DCHS2: variants seen among roughly 807,000 people sequenced by gnomAD.
The protein encoded by DCHS2 is protocadherin-23.
DCHS2 carries 142 observed loss-of-function variants against 182.4 expected under a neutral mutation model. The observed-to-expected ratio is 0.78, with a 90% CI of 0.68 to 0.89. The LOEUF (loss-of-function observed/expected upper bound fraction) is 0.89. DCHS2 is among the 40% of genes least tolerant of loss of function. The probability of loss-of-function intolerance (pLI) is 0.00; values close to 1 mark genes in which losing one functional copy is unlikely to be tolerated. For synonymous variants in DCHS2, 1,740 were observed against 1,663.3 expected (o/e 1.05, Z -1.12); for missense variants, 4,319 against 4,198.6 (o/e 1.03, Z -0.79).
chr4:154,239,338 T>C, intron 18 of DCHS2, 36 bp from the exon 19 acceptor site: 1 of 1,608,694 alleles, frequency 6.2e-7, no homozygotes, highest in South Asian at 1.1e-5. Flanking sequence ...ACATTGTGCT[T>C]AAAGGCTGAA....
chr4:154,457,776 G>A (rs561198813), intron 1 of DCHS2, among the ~76,000 whole-genome samples: 6 of 152,198 alleles, frequency 3.9e-5, no homozygotes, highest in African/African-American at 9.6e-5. Context: ...TCTCTCCCCC[G>A]CCTCTTTCTA....
At chr4:154,423,477 T>C (rs1320689657) in intron 1 of DCHS2, among the ~76,000 whole-genome samples, 1 of 152,228 alleles carries the variant, frequency 6.6e-6, no homozygotes, top group African/African-American at 2.4e-5. Context: ...CCAGAAACCA[T>C]GTCTCATTGC....
At chr4:154,348,073 A>G (rs956903366) in intron 3 of DCHS2, among the ~76,000 whole-genome samples, 1 of 152,024 alleles carries the variant, frequency 6.6e-6, no homozygotes, top group Non-Finnish European at 1.5e-5. Context: ...AAAGCTGGAT[A>G]CTGACACAAG....
intron 1 of DCHS2, among the ~76,000 whole-genome samples, chr4:154,472,912 C>G (rs1735533820): frequency 6.6e-6 from 1 of 152,276 alleles, no homozygotes; most frequent in South Asian, 2.1e-4. Flanking sequence ...GAAAATCATT[C>G]AACAGAAATG....
At chr4:154,257,019 G>A (rs1732712668) in intron 15 of DCHS2, among the ~76,000 whole-genome samples, 2 of 152,250 alleles carry the variant, frequency 1.3e-5, no homozygotes, top group South Asian at 4.2e-4. Context: ...GGAGGCCAAG[G>A]CGGGTGGATT....
At chr4:154,282,298 TC>T (rs1451192011) in intron 13 of DCHS2, among the ~76,000 whole-genome samples, 2 of 151,926 alleles carry the variant, frequency 1.3e-5, no homozygotes, top group Non-Finnish European at 2.9e-5. Flanking sequence ...GAGGTTAATA[TC>T]CATAGTATAT....
At chr4:154,400,604 G>T (rs1732132836) in intron 1 of DCHS2, among the ~76,000 whole-genome samples, 1 of 152,130 alleles carries the variant, frequency 6.6e-6, no homozygotes, top group Non-Finnish European at 1.5e-5. Flanking sequence ...ACACCAAAAA[G>T]AAGAATGCGG....
intron 1 of DCHS2, among the ~76,000 whole-genome samples, chr4:154,388,848 A>G (rs1350902600): frequency 6.6e-6 from 1 of 152,154 alleles, no homozygotes; most frequent in Non-Finnish European, 1.5e-5. Flanking sequence ...GAGCATCAAA[A>G]AATATTAATC....
rs1264306943 is a variant in DCHS2 at position 154,332,670 on chromosome 4, G to C, written c.3538C>G (p.Arg1180Gly). Reference sequence around the variant, plus strand: ...GAATTGTCATTCTCATCCCAGACACGAACAATGACTGTAGTGCTCACATTT... The same window carrying C: ...GAATTGTCATTCTCATCCCAGACACCAACAATGACTGTAGTGCTCACATTT... ...LQNVSTTVIV[R>G]VWDENDNSPT... The change falls in exon 5 of 20, where the codon CGT (arginine) becomes GGT (glycine). Residue 1180 changes from arginine to glycine, a missense_variant. Physicochemically the swap from Arg to Gly is moderately radical, Grantham distance 125. Coordinates refer to ENST00000357232, the MANE Select transcript of DCHS2 (RefSeq NM_001358235.2). The C allele has an allele frequency of 6.2e-7, 1 of 1,614,158 alleles. No homozygotes were observed. Among genetic ancestry groups the C allele is most frequent in the South Asian group, 1.1e-5 (1 of 91,080 alleles).
At chr4:154,478,951 ATC>A (rs1271793517) in intron 1 of DCHS2, among the ~76,000 whole-genome samples, 2 of 152,256 alleles carry the variant, frequency 1.3e-5, no homozygotes, top group Non-Finnish European at 2.9e-5. Context: ...AGTATTCAAT[ATC>A]TGAAAAACTA....
At chr4:154,363,820 T>A (rs1730230773) in intron 3 of DCHS2, among the ~76,000 whole-genome samples, 1 of 152,148 alleles carries the variant, frequency 6.6e-6, no homozygotes, top group South Asian at 2.1e-4. Context: ...CATAATTATA[T>A]ACAATGTGTT....
chr4:154,331,636 G>A lies in DCHS2; in HGVS notation c.3730+842C>T, dbSNP rs751665709. ...GAGAACAAAGGCTTGAAGTTCATCA[G>A]AACTGAATGCAAAGTCTGTCCCACT... On this transcript the variant is annotated intron_variant, in intron 5 of 19. Transcript: ENST00000357232. 14 of 1,613,750 alleles carry A rather than the reference G, an allele frequency of 8.7e-6. No homozygotes were observed. The South Asian group carries it at 1.5e-4, about 18-fold the overall frequency.
chr4:154,385,236 T>C (rs200060744), intron 1 of DCHS2, among the ~76,000 whole-genome samples: 2 of 151,958 alleles, frequency 1.3e-5, no homozygotes, highest in African/African-American at 4.8e-5. Context: ...ATCCATGTCC[T>C]TACAAAGGAC....
chr4:154,425,658 C>G (rs927242246), intron 1 of DCHS2, among the ~76,000 whole-genome samples: 7 of 152,202 alleles, frequency 4.6e-5, no homozygotes, highest in African/African-American at 1.7e-4. Flanking sequence ...GTTCATCAGG[C>G]TCCACTTAAC....
At chr4:154,290,359 C>T (rs930696717) in intron 13 of DCHS2, among the ~76,000 whole-genome samples, 6 of 151,944 alleles carry the variant, frequency 3.9e-5, no homozygotes, top group Non-Finnish European at 7.4e-5. Flanking sequence ...TTAAAATGTC[C>T]ATACTATCAA....
chr4:154,235,479 C>T lies in DCHS2; in HGVS notation c.9173G>A (p.Cys3058Tyr). Reference sequence around the variant, plus strand: ...ATCCACAGGGACCACCTCGTTACTGCAGTCGTCAGTTTTCTGGAAGGCTTT... The same window carrying T: ...ATCCACAGGGACCACCTCGTTACTGTAGTCGTCAGTTTTCTGGAAGGCTTT... ...VLKAFQKTDD[C>Y]SNEVVPVDAT... The change falls in exon 20 of 20, where the codon TGC becomes TAC. Residue 3058 changes from cysteine (C) to tyrosine (Y), a missense_variant. Physicochemically the swap from Cys to Tyr is radical, Grantham distance 194 (BLOSUM62 -2). Transcript: ENST00000357232. The T allele has an allele frequency of 2.5e-6, 4 of 1,614,006 alleles. No homozygotes were observed. The highest frequency in any genetic ancestry group is 3.4e-6 in the Non-Finnish European group (4 of 1,179,930).
intron 1 of DCHS2, among the ~76,000 whole-genome samples, chr4:154,443,415 C>G (rs181026557): frequency 5.3e-5 from 8 of 152,286 alleles, no homozygotes; most frequent in Admixed American, 5.2e-4. Context: ...GGAATGCTCT[C>G]TCTTCAAAAG....
chr4:154,324,353 A>G (rs544256949), intron 7 of DCHS2, among the ~76,000 whole-genome samples: 1 of 152,240 alleles, frequency 6.6e-6, no homozygotes, highest in East Asian at 1.9e-4. Context: ...CTCATCTTGT[A>G]GATTTCCTGA....
At chr4:154,308,471 A>G (rs140532483) in intron 10 of DCHS2, among the ~76,000 whole-genome samples, 1 of 152,254 alleles carries the variant, frequency 6.6e-6, no homozygotes, top group African/African-American at 2.4e-5. Context: ...GTTTGCATCC[A>G]TATCTATTTG....
Sources: gnomAD v4.1 joint callset for allele counts (sites outside exome capture counted in the v4.1 genomes callset) on GRCh38, gnomAD v4.1.1 for gene constraint, MANE v1.5 for transcripts, NCBI Gene and HGNC (gene_info 2026-07-23, HGNC 2026-07-21) for gene names.